The following TRIM69 variants were observed in gnomAD, a reference collection of about 807,000 sequenced individuals.
TRIM69 encodes the protein tripartite motif containing 69, also known as E3 ubiquitin-protein ligase TRIM69.
In TRIM69, 29 loss-of-function variants were observed where a neutral mutation model predicts 37.7. The ratio of observed to expected loss-of-function variants is 0.77; its 90% CI spans 0.57 to 1.05. The LOEUF (loss-of-function observed/expected upper bound fraction) is 1.05, where lower values mean the gene tolerates loss of function less well. Among genes scored for constraint, TRIM69 ranks in the 50% least tolerant of loss-of-function variants. The pLI is 0.00. For missense variants in TRIM69, 596 were observed against 579.9 expected, an observed-to-expected ratio of 1.03 and a Z score of -0.28; for synonymous variants, 209 against 212.4, an observed-to-expected ratio of 0.98 and a Z score of 0.14.
In TRIM69 at chr15:44,736,708, G is replaced by C. The variant is rs530330063; in HGVS notation, c.4G>C (p.Glu2Gln). 1 of 1,586,638 alleles carries C rather than the reference G, an allele frequency of 6.3e-7. No homozygotes were observed. Among genetic ancestry groups the C allele is most frequent in the African/African-American group, 1.5e-5 (1 of 68,154 alleles). ...CCCCTTGGTGGGCTGAAGCTTCATG[G>C]AGGTGAGTGACCCTTTTTTTTTTTA... is the stretch of plus-strand genomic sequence containing the variant. M[E>Q]VSTNPSSNID... The change falls in exon 1 of 7, where the codon GAG becomes CAG. Residue 2 changes from glutamate to glutamine, a missense_variant and splice_region_variant. Physicochemically the swap from Glu to Gln is conservative, Grantham distance 29. Transcript: ENST00000329464.
intron 1 of TRIM69, 124 bp from the exon 2 acceptor site, chr15:44,754,776 G>A (rs2087606745): frequency 1.3e-5 from 9 of 714,344 alleles, no homozygotes; most frequent in Non-Finnish European, 1.9e-5. Context: ...TTTCAAAGGA[G>A]AGATTATGTG....
chr15:44,755,333 C>G lies in TRIM69; in HGVS notation c.440C>G (p.Ser147Cys). ...GATGCTCGGTTGTCTGTGGGGCAGT[C>G]TAAGGAGTTCCTGCAAATCTCTGAT... is the stretch of plus-strand genomic sequence containing the variant. ...CKDARLSVGQSKEFLQISDAV... is the reference protein window; with the variant it reads ...CKDARLSVGQCKEFLQISDAV... Residue 147 changes from serine (S) to cysteine (C), a missense_variant, in exon 2 of 7, where the codon TCT (serine) becomes TGT (cysteine). Ser to Cys is a moderately radical substitution (Grantham distance 112). Transcript: ENST00000329464. The G allele has an allele frequency of 6.2e-7, 1 of 1,613,884 alleles. No homozygotes were observed.
intron 1 of TRIM69, among the ~76,000 whole-genome samples, chr15:44,737,871 A>G (rs1416684196): frequency 6.6e-6 from 1 of 152,156 alleles, no homozygotes; most frequent in Non-Finnish European, 1.5e-5. Flanking sequence ...AACTCTCCTT[A>G]GATATCTTAA....
At chr15:44,739,409 G>C (rs1177832974) in intron 1 of TRIM69, among the ~76,000 whole-genome samples, 1 of 152,232 alleles carries the variant, frequency 6.6e-6, no homozygotes, top group East Asian at 1.9e-4. Context: ...CCGTGCGTGA[G>C]CCGAAGCAGG....
In TRIM69 at chr15:44,756,369, A is replaced by G. The variant is rs139002192; in HGVS notation, c.485A>G (p.Glu162Gly). Residue 162 changes from glutamate (E) to glycine (G), a missense_variant and splice_region_variant, in exon 3 of 7, where the codon GAG (glutamate) becomes GGG (glycine). Physicochemically the swap from Glu to Gly is moderately conservative, Grantham distance 98. Coordinates refer to ENST00000329464, the MANE Select transcript of TRIM69 (RefSeq NM_182985.5). ...QISDAVHFFTEELAIQQGQLE... is the reference protein window; with the variant it reads ...QISDAVHFFTGELAIQQGQLE... ...GTTAATTCTATTTGATATTCCCAGG[A>G]GGAGCTTGCCATCCAACAGGGTCAA... 3.2e-6 allele frequency: 5 copies of G among 1,547,904 alleles called. No homozygotes were observed. The highest frequency in any genetic ancestry group is 3.9e-5 in the Admixed American group (2 of 50,946).
At position 44,736,713 on chromosome 15, in the gene TRIM69, G is replaced by A. The variant is rs767536060; in HGVS notation, c.6+3G>A. 6.4e-7 allele frequency: 1 copy of A among 1,553,372 alleles called. No individual in the cohort carries two copies. The highest frequency in any genetic ancestry group is 8.7e-7 in the Non-Finnish European group (1 of 1,154,534). ...TGGTGGGCTGAAGCTTCATGGAGGT[G>A]AGTGACCCTTTTTTTTTTTAACTTA... On this transcript the variant is annotated splice_donor_region_variant and intron_variant, in intron 1 of 6. Transcript: ENST00000329464.
At chr15:44,756,054 A>C (rs1212664704) in intron 2 of TRIM69, among the ~76,000 whole-genome samples, 1 of 152,068 alleles carries the variant, frequency 6.6e-6, no homozygotes, top group Non-Finnish European at 1.5e-5. Context: ...TTTACTCCAT[A>C]ATTCTTTTTT....
Position 44,767,614 on chromosome 15 carries a change from T to TA in TRIM69, c.1346dup (p.Tyr449Ter). ...CGACAAGGTGGGCATATACCTGGAT[T>TA]ATGAAGGAGGACAGTTGTCCTTCTA... is the stretch of plus-strand genomic sequence containing the variant. ...NLDKVGIYLDYEGGQLSFYNA... is the reference protein window; with the variant it reads ...NLDKVGIYLD Residue 449 changes from tyrosine to a stop codon, truncating the protein, a stop_gained and frameshift_variant, in exon 7 of 7, where the codon TAT becomes TAAT. Transcript: ENST00000329464. LOFTEE classifies it high-confidence loss of function. The TA allele has an allele frequency of 1.2e-6, 2 of 1,614,212 alleles. No individual in the cohort carries two copies. Among genetic ancestry groups the TA allele is most frequent in the Non-Finnish European group, 1.7e-6 (2 of 1,180,046 alleles).
At chr15:44,747,700 C>T (rs1227672354) in intron 1 of TRIM69, among the ~76,000 whole-genome samples, 1 of 152,014 alleles carries the variant, frequency 6.6e-6, no homozygotes, top group African/African-American at 2.4e-5. Context: ...CAGGCATCAG[C>T]AATAGGGAAC....
intron 1 of TRIM69, among the ~76,000 whole-genome samples, chr15:44,744,409 A>T (rs2087359222): frequency 6.6e-6 from 1 of 151,246 alleles, no homozygotes; most frequent in African/African-American, 2.4e-5. Context: ...ATACATATGT[A>T]ACTAACCTGC....
In TRIM69 at chr15:44,767,330, T is replaced by C. The variant is rs1262507860; in HGVS notation, c.1061T>C (p.Met354Thr). The C allele has an allele frequency of 6.2e-7, 1 of 1,614,116 alleles. No individual in the cohort carries two copies. Among genetic ancestry groups the C allele is most frequent in the Non-Finnish European group, 8.5e-7 (1 of 1,180,038 alleles). ...SVWHGDIKKI[M>T]PDDPERFDSS... Reference sequence around the variant, plus strand: ...TGGCATGGTGACATTAAGAAGATAATGCCTGATGATCCTGAGAGGTTTGAC... The same window carrying C: ...TGGCATGGTGACATTAAGAAGATAACGCCTGATGATCCTGAGAGGTTTGAC... The change falls in exon 7 of 7, where the codon ATG (methionine) becomes ACG (threonine). Residue 354 changes from methionine (M) to threonine (T), a missense_variant. Physicochemically the swap from Met to Thr is moderately conservative, Grantham distance 81. Coordinates refer to ENST00000329464, the MANE Select transcript of TRIM69 (RefSeq NM_182985.5).
At chr15:44,750,121 A>G (rs538919448) in intron 1 of TRIM69, among the ~76,000 whole-genome samples, 58 of 152,320 alleles carry the variant, frequency 3.8e-4, no homozygotes, top group Non-Finnish European at 6.3e-4. Context: ...ATTCTGGATA[A>G]TAGACCTTAT....
intron 1 of TRIM69, among the ~76,000 whole-genome samples, chr15:44,741,176 T>C (rs2087275928): frequency 1.3e-5 from 2 of 152,006 alleles, no homozygotes; most frequent in Admixed American, 1.3e-4. Flanking sequence ...TCAAAACCGC[T>C]CAACTACATG....
chr15:44,737,054 G>C (rs1054084327), intron 1 of TRIM69, among the ~76,000 whole-genome samples: 2 of 152,026 alleles, frequency 1.3e-5, no homozygotes, highest in Admixed American at 6.6e-5. Flanking sequence ...CTTCACATTT[G>C]ATTATTTTAT....
chr15:44,758,868 C>T lies in TRIM69; in HGVS notation c.813+14C>T. 6.2e-7 allele frequency: 1 copy of T among 1,604,326 alleles called. No homozygotes were observed. Among genetic ancestry groups the T allele is most frequent in the East Asian group, 2.2e-5 (1 of 44,524 alleles). ...GACTTTCTCAAAGTGAGAATCCACA[C>T]CAATATGATTATGGGTACCTTCCTA... On this transcript the variant is annotated intron_variant, in intron 4 of 6. Coordinates refer to ENST00000329464, the MANE Select transcript of TRIM69 (RefSeq NM_182985.5).
At chr15:44,751,975 A>G (rs2087543598) in intron 1 of TRIM69, among the ~76,000 whole-genome samples, 1 of 151,570 alleles carries the variant, frequency 6.6e-6, no homozygotes. Context: ...GGCTGGTCTC[A>G]AGCTCCTGAG....
intron 1 of TRIM69, among the ~76,000 whole-genome samples, chr15:44,746,317 T>C (rs1169169690): frequency 6.6e-6 from 1 of 152,214 alleles, no homozygotes; most frequent in Non-Finnish European, 1.5e-5. Flanking sequence ...AAACTGAGCT[T>C]ATCTCTAGTA....
At chr15:44,752,646 T>C (rs1405738809) in intron 1 of TRIM69, among the ~76,000 whole-genome samples, 1 of 152,214 alleles carries the variant, frequency 6.6e-6, no homozygotes, top group Non-Finnish European at 1.5e-5. Flanking sequence ...AAGACTTACC[T>C]ATGCCATTTT....
intron 1 of TRIM69, among the ~76,000 whole-genome samples, chr15:44,740,337 A>G (rs1367380638): frequency 6.6e-6 from 1 of 152,242 alleles, no homozygotes; most frequent in African/African-American, 2.4e-5. Flanking sequence ...TCTTCCTCCA[A>G]AGGAACGCAG....
Sources: allele counts gnomAD v4.1 joint callset (sites outside exome capture counted in the v4.1 genomes callset), GRCh38; gene constraint gnomAD v4.1.1; transcripts MANE v1.5; gene names NCBI Gene and HGNC (gene_info 2026-07-23, HGNC 2026-07-21).